The following CCDC68 variants were observed in gnomAD, a reference collection of about 807,000 sequenced individuals.
CCDC68 encodes the protein coiled-coil domain-containing protein 68.
A neutral mutation model predicts 47.1 loss-of-function variants in CCDC68; 45 were observed. The observed-to-expected ratio is 0.96, with a 90% CI of 0.75 to 1.23. The LOEUF is 1.23. Ranked by LOEUF, CCDC68 falls within the 50% of genes most tolerant of loss-of-function variation. The pLI is 0.00. For missense variants in CCDC68, 353 were observed against 373.6 expected, an observed-to-expected ratio of 0.94 and a Z score of 0.45; for synonymous variants, 131 against 129.5, an observed-to-expected ratio of 1.01 and a Z score of -0.08.
At chr18:54,935,957 A>G (rs925744595) in intron 6 of CCDC68, among the ~76,000 whole-genome samples, 3 of 152,006 alleles carry the variant, frequency 2.0e-5, no homozygotes, top group African/African-American at 7.2e-5. Context: ...TATTGGTCCT[A>G]GTATATATAC....
At chr18:54,919,398 G>C in intron 8 of CCDC68, 22 bp from the exon 9 acceptor site, 1 of 1,557,212 alleles carries the variant, frequency 6.4e-7, no homozygotes, top group African/African-American at 1.4e-5. Flanking sequence ...AAGGGAAAAA[G>C]ACCAAGAGAA....
At chr18:54,941,160 G>T in intron 3 of CCDC68, 77 bp from the exon 4 acceptor site, 1 of 890,588 alleles carries the variant, frequency 1.1e-6, no homozygotes, top group Non-Finnish European at 1.8e-6. Flanking sequence ...CCAGTTACAG[G>T]GTACCTGATT....
intron 3 of CCDC68, 76 bp downstream of exon 3, chr18:54,942,599 A>G (rs2044456407): frequency 2.2e-6 from 2 of 902,508 alleles, no homozygotes; most frequent in Non-Finnish European, 3.5e-6. Context: ...GGAGAGGGAA[A>G]CAAAATCCTC....
Position 54,903,975 on chromosome 18 carries a change from A to C in CCDC68, c.*383T>G, listed in dbSNP as rs532911765. 3 of 188,338 alleles carry C rather than the reference A, an allele frequency of 1.6e-5. No homozygotes were observed. Among genetic ancestry groups the C allele is most frequent in the Admixed American group, 5.7e-5 (1 of 17,606 alleles). 11.7% of individuals were successfully genotyped at this position (188,338 alleles called of 1,614,324 possible). On this transcript the variant is annotated 3_prime_UTR_variant, in exon 12 of 12. Coordinates refer to ENST00000591504, the MANE Select transcript of CCDC68 (RefSeq NM_025214.3). ...AGGAAATGTATGTTCATTCATACAC[A>C]TATACACTCTCCCTTCTATTTATAC...
chr18:54,953,522 AC>A lies in CCDC68; in HGVS notation c.-103+5813del, dbSNP rs1568166173. On this transcript the variant is annotated intron_variant, in intron 1 of 11. Transcript: ENST00000591504. ...ATTATATATATACATACACACACACACACACACACACACACACATATATATA... is the reference window on the plus strand; with the variant it reads ...ATTATATATATACATACACACACACAACACACACACACACACATATATATA... Among the ~76,000 whole-genome samples the A allele has an allele frequency of 2.0e-3, 260 of 129,734 alleles. 2 individuals carry two copies. The highest frequency in any genetic ancestry group is 8.0e-3 in the African/African-American group (252 of 31,362). 85.1% of individuals were successfully genotyped at this position (129,734 alleles called of 152,430 possible).
chr18:54,937,985 T>G lies in CCDC68; in HGVS notation c.317A>C (p.Asn106Thr). The G allele has an allele frequency of 1.9e-6, 3 of 1,612,458 alleles. No individual in the cohort carries two copies. Among genetic ancestry groups the G allele is most frequent in the Non-Finnish European group, 2.5e-6 (3 of 1,179,366 alleles). Residue 106 changes from asparagine to threonine, a missense_variant, in exon 5 of 12, where the codon AAC (asparagine) becomes ACC (threonine). Transcript: ENST00000591504. Reference protein sequence around the residue: ...KGKDLQLLEMNKENEVLKIKL... With the variant: ...KGKDLQLLEMTKENEVLKIKL... ...GATTTTCAATACTTCATTCTCTTTGTTCATTTCTAAGAGCTGTAGGTCTTT... is the reference window on the plus strand; with the variant it reads ...GATTTTCAATACTTCATTCTCTTTGGTCATTTCTAAGAGCTGTAGGTCTTT...
rs530481188 is a variant in CCDC68 at position 54,939,126 on chromosome 18, A to C, written c.205-1029T>G. Among the ~76,000 whole-genome samples, 3 of 152,368 alleles carry C rather than the reference A, an allele frequency of 2.0e-5. No individual in the cohort carries two copies. In the South Asian group the frequency reaches 6.2e-4, roughly 32 times the overall value. On this transcript the variant is annotated intron_variant, in intron 4 of 11. Coordinates refer to ENST00000591504, the MANE Select transcript of CCDC68 (RefSeq NM_025214.3). ...ATATAATAACTATGATTGCAGAAATAAAAAACAAAAAGAACTTAGTGTATG... is the reference window on the plus strand; with the variant it reads ...ATATAATAACTATGATTGCAGAAATCAAAAACAAAAAGAACTTAGTGTATG...
chr18:54,931,652 A>T (rs1258424846), intron 7 of CCDC68, among the ~76,000 whole-genome samples: 1 of 152,216 alleles, frequency 6.6e-6, no homozygotes, highest in Non-Finnish European at 1.5e-5. Context: ...GAGCTAAATC[A>T]ATGACACTAG....
At chr18:54,925,872 G>C (rs1323639049) in intron 8 of CCDC68, among the ~76,000 whole-genome samples, 1 of 152,042 alleles carries the variant, frequency 6.6e-6, no homozygotes, top group African/African-American at 2.4e-5. Context: ...CCAGACTAAG[G>C]GAAAGAATCA....
chr18:54,958,716 C>T (rs2282585), intron 1 of CCDC68, among the ~76,000 whole-genome samples: 72,581 of 152,000 alleles, frequency 0.48, 17,731 homozygotes, highest in African/African-American at 0.57. Flanking sequence ...TACTAACCTT[C>T]AGTAAGATAA....
At chr18:54,911,757 G>A (rs1599027243) in intron 10 of CCDC68, among the ~76,000 whole-genome samples, 1 of 152,130 alleles carries the variant, frequency 6.6e-6, no homozygotes, top group Non-Finnish European at 1.5e-5. Flanking sequence ...TCTGTGACAG[G>A]ACAATTAGGT....
At position 54,934,822 on chromosome 18, in the gene CCDC68, T is replaced by G. The variant is rs1599067578; in HGVS notation, c.598A>C (p.Lys200Gln). ...ELENLVQRME[K>Q]EKRTLLERKL... ...CCTCTAATTCTCCAGGGGCGTACCTTTTCCATTCTCTGTACAAGGTTCTCC... is the reference window on the plus strand; with the variant it reads ...CCTCTAATTCTCCAGGGGCGTACCTGTTCCATTCTCTGTACAAGGTTCTCC... The change falls in exon 7 of 12, where the codon AAG (lysine) becomes CAG (glutamine). Residue 200 changes from lysine (K) to glutamine (Q), a missense_variant and splice_region_variant. Transcript: ENST00000591504. 1 of 1,532,864 alleles carries G rather than the reference T, an allele frequency of 6.5e-7. No homozygotes were observed. The highest frequency in any genetic ancestry group is 1.4e-5 in the African/African-American group (1 of 71,040). 95.0% of individuals were successfully genotyped at this position (1,532,864 alleles called of 1,614,324 possible).
intron 6 of CCDC68, 48 bp from the exon 7 acceptor site, chr18:54,934,996 A>G: frequency 7.1e-7 from 1 of 1,410,620 alleles, no homozygotes; most frequent in Non-Finnish European, 9.3e-7. Flanking sequence ...TTTTTCTTAA[A>G]CCTATACACA....
chr18:54,907,725 G>T, intron 11 of CCDC68, 61 bp downstream of exon 11: 1 of 904,446 alleles, frequency 1.1e-6, no homozygotes, highest in Non-Finnish European at 1.8e-6. Context: ...TGAGTGGGTT[G>T]AATGTCTAAC....
intron 4 of CCDC68, among the ~76,000 whole-genome samples, chr18:54,939,795 G>A (rs555096659): frequency 3.9e-5 from 6 of 152,086 alleles, no homozygotes; most frequent in Admixed American, 2.6e-4. Context: ...GCCTTGACAC[G>A]AGTAACTTCA....
chr18:54,917,401 G>C (rs2043971797), intron 10 of CCDC68, among the ~76,000 whole-genome samples: 1 of 152,150 alleles, frequency 6.6e-6, no homozygotes, highest in South Asian at 2.1e-4. Context: ...GAGTAGATTT[G>C]AGCAAGCCTC....
At chr18:54,940,634 G>C (rs908894718) in intron 4 of CCDC68, among the ~76,000 whole-genome samples, 2 of 152,178 alleles carry the variant, frequency 1.3e-5, no homozygotes, top group Admixed American at 1.3e-4. Flanking sequence ...ACAAAGTCTT[G>C]ACTCAACTCA....
intron 6 of CCDC68, among the ~76,000 whole-genome samples, chr18:54,935,814 G>A (rs1469515956): frequency 6.6e-6 from 1 of 152,104 alleles, no homozygotes; most frequent in East Asian, 1.9e-4. Flanking sequence ...AGACACCTGG[G>A]TGCCCCAAAC....
intron 3 of CCDC68, among the ~76,000 whole-genome samples, chr18:54,941,652 A>G (rs993370758): frequency 5.3e-5 from 8 of 152,226 alleles, no homozygotes; most frequent in African/African-American, 1.9e-4. Context: ...AAACTATGCC[A>G]GAATTTGTCC....
Sources: gnomAD v4.1 joint callset for allele counts (sites outside exome capture counted in the v4.1 genomes callset) on GRCh38, gnomAD v4.1.1 for gene constraint, MANE v1.5 for transcripts, NCBI Gene and HGNC (gene_info 2026-07-23, HGNC 2026-07-21) for gene names.